The following ARL15 variants were observed in gnomAD, a reference collection of about 807,000 sequenced individuals.
ARL15 encodes ADP-ribosylation factor-like protein 15.
Under a neutral mutation model 25.2 loss-of-function variants are expected in ARL15, and 19 were observed. That is an observed-to-expected ratio of 0.75 (90% CI 0.53 to 1.10). ARL15 has a LOEUF of 1.10. ARL15 is among the 50% of genes least tolerant of loss of function. The pLI is 0.00. For missense variants in ARL15, 220 were observed against 246.0 expected (o/e 0.89, Z 0.71); for synonymous variants, 94 against 86.8 (o/e 1.08, Z -0.46).
chr5:54,306,269 C>T (rs1466841808), intron 1 of ARL15, among the ~76,000 whole-genome samples: 1 of 152,126 alleles, frequency 6.6e-6, no homozygotes, highest in East Asian at 1.9e-4. Context: ...TTGTTGATTA[C>T]AACTCCCAGT....
intron 1 of ARL15, among the ~76,000 whole-genome samples, chr5:54,234,185 G>C: frequency 6.6e-6 from 1 of 151,990 alleles, no homozygotes; most frequent in East Asian, 1.9e-4. Flanking sequence ...TGTAGAGATG[G>C]GGTTTCTCCA....
intron 4 of ARL15, among the ~76,000 whole-genome samples, chr5:54,027,967 A>G (rs1207315831): frequency 6.6e-6 from 1 of 151,642 alleles, no homozygotes; most frequent in Non-Finnish European, 1.5e-5. Flanking sequence ...CCCAGGCTGG[A>G]GTGCAGAGGC....
At chr5:54,253,569 T>C (rs1254537096) in intron 1 of ARL15, among the ~76,000 whole-genome samples, 1 of 152,122 alleles carries the variant, frequency 6.6e-6, no homozygotes, top group Non-Finnish European at 1.5e-5. Flanking sequence ...TACAGTTAGT[T>C]ATGTAATTGA....
In ARL15 at chr5:54,096,344, G is replaced by A. The variant is rs188412670; in HGVS notation, c.462+16858C>T. Among the ~76,000 whole-genome samples the A allele has an allele frequency of 4.2e-3, 641 of 152,270 alleles. 3 individuals are homozygous for A. The highest frequency in any genetic ancestry group is 0.014 in the African/African-American group (589 of 41,538). On this transcript the variant is annotated intron_variant, in intron 4 of 4. Transcript: ENST00000504924. ...CACAATGGTGGCACACAATAAGTGT[G>A]CAAAAAATATTGTTTGAAGAGAATG...
chr5:54,014,460 C>T (rs1486328617), intron 4 of ARL15, among the ~76,000 whole-genome samples: 2 of 152,066 alleles, frequency 1.3e-5, no homozygotes, highest in East Asian at 1.9e-4. Context: ...CATTTATTGC[C>T]CTTCATCAGA....
In ARL15 at chr5:54,043,563, G is replaced by A. The variant is rs539149464; in HGVS notation, c.462+69639C>T. Among the ~76,000 whole-genome samples the A allele has an allele frequency of 7.9e-5, 12 of 152,244 alleles. No homozygotes were observed. The South Asian group carries it at 2.3e-3, about 29-fold the overall frequency. On this transcript the variant is annotated intron_variant, in intron 4 of 4. Transcript: ENST00000504924. ...AAAGGCTGGAAATTTCCTTTAGGAA[G>A]TGATCTCCAGATACATGATGATAGA...
intron 4 of ARL15, among the ~76,000 whole-genome samples, chr5:54,024,862 A>G (rs1225882105): frequency 6.6e-6 from 1 of 152,202 alleles, no homozygotes; most frequent in African/African-American, 2.4e-5. Flanking sequence ...GCTTTTGAAA[A>G]GGCAATTCAA....
rs886563708 is a variant in ARL15, at chr5:53,971,397, T to C, written c.463-84684A>G. On this transcript the variant is annotated intron_variant, in intron 4 of 4. Coordinates refer to ENST00000504924, the MANE Select transcript of ARL15 (RefSeq NM_019087.3). Reference sequence around the variant, plus strand: ...GAGAGAAAACTTGCCAAGAACTTTATCTGGAAAATGATAGTATTTTACCAG... The same window carrying C: ...GAGAGAAAACTTGCCAAGAACTTTACCTGGAAAATGATAGTATTTTACCAG... Among the ~76,000 whole-genome samples the C allele has an allele frequency of 3.3e-5, 5 of 152,190 alleles. No individual in the cohort carries two copies. The South Asian group carries it at 1.0e-3, about 31-fold the overall frequency.
chr5:53,928,970 C>A (rs562143218), intron 4 of ARL15, among the ~76,000 whole-genome samples: 1 of 152,092 alleles, frequency 6.6e-6, no homozygotes, highest in Admixed American at 6.5e-5. Flanking sequence ...ATAGGGCCCA[C>A]GTATTTATAC....
At chr5:54,006,285 A>G (rs957536506) in intron 4 of ARL15, among the ~76,000 whole-genome samples, 1 of 152,146 alleles carries the variant, frequency 6.6e-6, no homozygotes, top group African/African-American at 2.4e-5. Context: ...TCTGCTTTCC[A>G]GAGTGTCTGA....
intron 4 of ARL15, among the ~76,000 whole-genome samples, chr5:53,926,557 C>A (rs2112035498): frequency 6.6e-6 from 1 of 152,260 alleles, no homozygotes; most frequent in South Asian, 2.1e-4. Context: ...GGTCAGGGAG[C>A]CTGGGCAATG....
intron 1 of ARL15, among the ~76,000 whole-genome samples, chr5:54,239,237 T>C (rs1054836018): frequency 6.6e-6 from 1 of 152,160 alleles, no homozygotes; most frequent in Non-Finnish European, 1.5e-5. Context: ...TGCCATTTTT[T>C]TTTTTTTTGG....
chr5:54,165,651 G>GA lies in ARL15; in HGVS notation c.193+6132dup, dbSNP rs1200845060. 1.7e-4 allele frequency among the ~76,000 whole-genome samples: 24 copies of GA among 141,382 alleles called. 1 individual carries two copies. Among genetic ancestry groups the GA allele is most frequent in the East Asian group, 6.2e-4 (3 of 4,864 alleles). 92.8% of individuals were successfully genotyped at this position (141,382 alleles called of 152,430 possible). A position where few individuals can be genotyped will look rare whatever the true frequency, so the allele number is the denominator to read the frequency against. ...TCTTTGTACTACTTTGTTCTCAAGAGAAAAAAAAAACCAAAAGGATGTGTG... is the reference window on the plus strand; with the variant it reads ...TCTTTGTACTACTTTGTTCTCAAGAGAAAAAAAAAAACCAAAAGGATGTGTG... On this transcript the variant is annotated intron_variant, in intron 2 of 4. Coordinates refer to ENST00000504924, the MANE Select transcript of ARL15 (RefSeq NM_019087.3).
rs556967488 is a variant in ARL15, at chr5:54,186,825, T to C, written c.49-14897A>G. Among the ~76,000 whole-genome samples, 14 of 151,604 alleles carry C rather than the reference T, an allele frequency of 9.2e-5. 1 individual carries two copies. In the South Asian group the frequency reaches 2.9e-3, roughly 32 times the overall value. ...TATTAGAGAGGCTCCATGGGCCTTATACATTTAACTAGAGCTTTACTAGAA... is the reference window on the plus strand; with the variant it reads ...TATTAGAGAGGCTCCATGGGCCTTACACATTTAACTAGAGCTTTACTAGAA... On this transcript the variant is annotated intron_variant, in intron 1 of 4. Coordinates refer to ENST00000504924, the MANE Select transcript of ARL15 (RefSeq NM_019087.3).
intron 1 of ARL15, among the ~76,000 whole-genome samples, chr5:54,219,716 A>G (rs573258041): frequency 1.3e-5 from 2 of 152,312 alleles, no homozygotes; most frequent in East Asian, 3.9e-4. Flanking sequence ...AAACAGAATG[A>G]CAACAGTAAC....
At position 54,020,878 on chromosome 5, in the gene ARL15, C is replaced by A. The variant is rs183733157; in HGVS notation, c.462+92324G>T. Among the ~76,000 whole-genome samples the A allele has an allele frequency of 5.7e-4, 87 of 151,934 alleles. No homozygotes were observed. The Middle Eastern group carries it at 0.014, about 24-fold the overall frequency. On this transcript the variant is annotated intron_variant, in intron 4 of 4. Coordinates refer to ENST00000504924, the MANE Select transcript of ARL15 (RefSeq NM_019087.3). ...GCTGAGGCAGGAGAATCGCTTGAATCCAGGAGGCAGAGGTTGCAGTGAGCC... is the reference window on the plus strand; with the variant it reads ...GCTGAGGCAGGAGAATCGCTTGAATACAGGAGGCAGAGGTTGCAGTGAGCC...
At chr5:54,079,470 A>G (rs562605494) in intron 4 of ARL15, among the ~76,000 whole-genome samples, 1 of 152,318 alleles carries the variant, frequency 6.6e-6, no homozygotes, top group Non-Finnish European at 1.5e-5. Flanking sequence ...ATTTTCTGAA[A>G]CTGATTTTGA....
At chr5:53,935,067 A>G (rs1034396388) in intron 4 of ARL15, among the ~76,000 whole-genome samples, 1 of 152,260 alleles carries the variant, frequency 6.6e-6, no homozygotes, top group Admixed American at 6.5e-5. Context: ...AGGGATAAAA[A>G]GAGGAGGGAG....
chr5:54,092,564 C>G (rs546739931), intron 4 of ARL15, among the ~76,000 whole-genome samples: 1 of 152,276 alleles, frequency 6.6e-6, no homozygotes, highest in East Asian at 1.9e-4. Context: ...ACTGAAATAA[C>G]CAGAGAACCA....
Sources: allele counts gnomAD v4.1 joint callset (sites outside exome capture counted in the v4.1 genomes callset), GRCh38; gene constraint gnomAD v4.1.1; transcripts MANE v1.5; gene names NCBI Gene and HGNC (gene_info 2026-07-23, HGNC 2026-07-21).